Variants in TMEM126B observed in about 807,000 individuals in gnomAD.
TMEM126B encodes complex I assembly factor TMEM126B, mitochondrial.
In TMEM126B, 19 loss-of-function variants were observed where a neutral mutation model predicts 16.5. The ratio of observed to expected loss-of-function variants is 1.15; its 90% CI spans 0.80 to 1.69. TMEM126B has a LOEUF of 1.69. TMEM126B is among the 40% of genes most tolerant of loss of function. The pLI is 0.00. For synonymous variants in TMEM126B, 104 were observed against 93.2 expected (o/e 1.12, Z -0.67); for missense variants, 293 against 278.7 (o/e 1.05, Z -0.37).
At position 85,631,809 on chromosome 11, in the gene TMEM126B, G is replaced by C; in HGVS notation, c.203+1G>C. The C allele has an allele frequency of 6.2e-7, 1 of 1,601,178 alleles. No homozygotes were observed. The highest frequency in any genetic ancestry group is 8.5e-7 in the Non-Finnish European group (1 of 1,176,674). ...ATTTTGACTATCTTAGAAAAGAAAT[G>C]TAAGAGAAATGCCCAGGCTGAAAAT... On this transcript the variant is annotated splice_donor_variant, in intron 2 of 4. Coordinates refer to ENST00000358867, the MANE Select transcript of TMEM126B (RefSeq NM_018480.7). LOFTEE classifies it high-confidence loss of function.
At chr11:85,634,520 C>T (rs1161208464) in intron 3 of TMEM126B, 7 of 388,348 alleles carry the variant, frequency 1.8e-5, no homozygotes, top group Non-Finnish European at 3.2e-5. Flanking sequence ...CGCTAATAAG[C>T]AACATACTGG....
At position 85,628,682 on chromosome 11, in the gene TMEM126B, G is replaced by A. The variant is rs1196534148; in HGVS notation, c.75G>A (p.Ala25=). The change falls in exon 1 of 5, where the codon GCG becomes GCA. Residue 25 remains alanine (A), a synonymous_variant. Transcript: ENST00000358867. ...TGGTGCCGGTGGGAACTGAGGAAGCGCCCAAGGTAGGCGGAAATCCGAAGT... is the reference window on the plus strand; with the variant it reads ...TGGTGCCGGTGGGAACTGAGGAAGCACCCAAGGTAGGCGGAAATCCGAAGT... The part of the protein sequence containing the change: ...SGVVPVGTEE[A]PKVFKMAASM... The A allele has an allele frequency of 6.5e-7, 1 of 1,536,158 alleles. No homozygotes were observed. The highest frequency in any genetic ancestry group is 8.7e-7 in the Non-Finnish European group (1 of 1,146,898).
At chr11:85,634,678 G>A (rs569070791) in intron 3 of TMEM126B, 2 of 158,708 alleles carry the variant, frequency 1.3e-5, no homozygotes, top group African/African-American at 4.8e-5. Flanking sequence ...TACCTCACAG[G>A]ATTGTTGTGA....
chr11:85,629,087 G>GTT lies in TMEM126B; in HGVS notation c.81+403_81+404dup, dbSNP rs1462171692. On this transcript the variant is annotated intron_variant, in intron 1 of 4. Transcript: ENST00000358867. ...TGTTTGCTTTTTCTTAGGTTGTTGG[G>GTT]TTTTTCGTTTATGTCACTCTCTCAT... The GTT allele has an allele frequency of 1.3e-5, 8 of 603,452 alleles. No homozygotes were observed. In the Admixed American group the frequency reaches 1.9e-4, roughly 14 times the overall value. 37.4% of individuals were successfully genotyped at this position (603,452 alleles called of 1,614,324 possible).
chr11:85,635,860 T>C (rs540441541), intron 4 of TMEM126B, 82 bp downstream of exon 4: 2 of 1,073,462 alleles, frequency 1.9e-6, no homozygotes, highest in East Asian at 5.2e-5. Context: ...ACTCTCTTTC[T>C]TCTTTAGCTG....
At chr11:85,633,942 C>A in intron 2 of TMEM126B, 144 bp from the exon 3 acceptor site, 1 of 615,750 alleles carries the variant, frequency 1.6e-6, no homozygotes, top group East Asian at 2.8e-5. Flanking sequence ...ACTGTCCTAT[C>A]TTAAGCACTT....
chr11:85,628,642 C>A lies in TMEM126B; in HGVS notation c.35C>A (p.Pro12Gln), dbSNP rs1212670424. The A allele has an allele frequency of 3.3e-6, 5 of 1,536,028 alleles. No homozygotes were observed. Among genetic ancestry groups the A allele is most frequent in the Non-Finnish European group, 4.4e-6 (5 of 1,146,912 alleles). The change falls in exon 1 of 5, where the codon CCA (proline) becomes CAA (glutamine). Residue 12 changes from proline to glutamine, a missense_variant. By Grantham distance (76) the Pro-to-Gln change is moderately conservative. Coordinates refer to ENST00000358867, the MANE Select transcript of TMEM126B (RefSeq NM_018480.7). ...VVFGYEAGTKPRDSGVVPVGT... is the reference protein window; with the variant it reads ...VVFGYEAGTKQRDSGVVPVGT... ...TTCGGGTATGAGGCTGGGACTAAGC[C>A]AAGGGATTCAGGTGTGGTGCCGGTG... is the stretch of plus-strand genomic sequence containing the variant.
chr11:85,632,159 T>C (rs2082312428), intron 2 of TMEM126B, among the ~76,000 whole-genome samples: 1 of 152,206 alleles, frequency 6.6e-6, no homozygotes, highest in Non-Finnish European at 1.5e-5. Context: ...TATAATCAGT[T>C]TAGGATTGAT....
At chr11:85,633,394 G>T (rs1234069028) in intron 2 of TMEM126B, among the ~76,000 whole-genome samples, 1 of 152,190 alleles carries the variant, frequency 6.6e-6, no homozygotes, top group Admixed American at 6.5e-5. Context: ...TTCCACAATG[G>T]TTGAACTAGT....
chr11:85,636,413 C>A lies in TMEM126B; in HGVS notation c.*184C>A. ...CAATAAATATAAGTTTCATCTTACACGTAAGATACAGGTCTTATCTCCTGA... is the reference window on the plus strand; with the variant it reads ...CAATAAATATAAGTTTCATCTTACAAGTAAGATACAGGTCTTATCTCCTGA... On this transcript the variant is annotated 3_prime_UTR_variant, in exon 5 of 5. Coordinates refer to ENST00000358867, the MANE Select transcript of TMEM126B (RefSeq NM_018480.7). The A allele has an allele frequency of 2.6e-6, 1 of 387,406 alleles. No individual in the cohort carries two copies. 24.0% of individuals were successfully genotyped at this position (387,406 alleles called of 1,614,324 possible).
At chr11:85,628,996 T>TC (rs1354897089) in intron 1 of TMEM126B, 4 of 493,844 alleles carry the variant, frequency 8.1e-6, no homozygotes, top group African/African-American at 7.8e-5. Context: ...CAAACTGTTC[T>TC]CTTTCGGTTA....
Position 85,634,205 on chromosome 11 carries a change from C to T in TMEM126B, c.323C>T (p.Ala108Val). The T allele has an allele frequency of 1.2e-6, 2 of 1,613,738 alleles. No individual in the cohort carries two copies. The highest frequency in any genetic ancestry group is 1.1e-5 in the South Asian group (1 of 91,068). ...AAACATGATGCTTTGAAGACATATGCATCATTGGCTACACTTCCATTTTTG... is the reference window on the plus strand; with the variant it reads ...AAACATGATGCTTTGAAGACATATGTATCATTGGCTACACTTCCATTTTTG... ...KVKHDALKTY[A>V]SLATLPFLST... Residue 108 changes from alanine to valine, a missense_variant, in exon 3 of 5, where the codon GCA becomes GTA. Ala to Val is a moderately conservative substitution (Grantham distance 64). Coordinates refer to ENST00000358867, the MANE Select transcript of TMEM126B (RefSeq NM_018480.7).
In TMEM126B at chr11:85,628,746, A is replaced by C. The variant is rs139051807; in HGVS notation, c.81+58A>C. The C allele has an allele frequency of 3.9e-4, 574 of 1,469,340 alleles. 4 individuals carry two copies. In the African/African-American group the frequency reaches 7.0e-3, roughly 18 times the overall value. 91.0% of individuals were successfully genotyped at this position (1,469,340 alleles called of 1,614,324 possible). On this transcript the variant is annotated intron_variant, in intron 1 of 4. Coordinates refer to ENST00000358867, the MANE Select transcript of TMEM126B (RefSeq NM_018480.7). ...ATTTCTGCACCTTCAAAGTGTTGGCAGACTCTTCTAAGATGATACCTTTAA... is the reference window on the plus strand; with the variant it reads ...ATTTCTGCACCTTCAAAGTGTTGGCCGACTCTTCTAAGATGATACCTTTAA...
At chr11:85,628,746 A>T in intron 1 of TMEM126B, 58 bp downstream of exon 1, 2 of 1,469,340 alleles carry the variant, frequency 1.4e-6, no homozygotes, top group Non-Finnish European at 1.8e-6. Flanking sequence ...AAGTGTTGGC[A>T]GACTCTTCTA....
chr11:85,634,793 G>A (rs2082369083), intron 3 of TMEM126B: 1 of 152,724 alleles, frequency 6.5e-6, no homozygotes, highest in African/African-American at 2.4e-5. Context: ...TTCACAACTA[G>A]TAATTGATAG....
intron 3 of TMEM126B, chr11:85,635,132 A>T (rs925121472): frequency 2.0e-5 from 3 of 152,360 alleles, no homozygotes; most frequent in African/African-American, 7.2e-5. Flanking sequence ...TCATTATAAA[A>T]TTGTTTCTGG....
chr11:85,629,029 C>A (rs1210645877), intron 1 of TMEM126B: 10 of 477,728 alleles, frequency 2.1e-5, no homozygotes, highest in African/African-American at 9.9e-5. Flanking sequence ...TCACTTCTTC[C>A]GGGAAGCCTT....
intron 1 of TMEM126B, 131 bp downstream of exon 1, chr11:85,628,819 GTCGATTAAGTC>G: frequency 1.1e-6 from 1 of 870,650 alleles, no homozygotes. Context: ...GCAAGGAGCA[GTCGATTAAGTC>G]TCCAGTTGCT....
intron 1 of TMEM126B, among the ~76,000 whole-genome samples, chr11:85,630,547 T>C: frequency 6.6e-6 from 1 of 152,242 alleles, no homozygotes; most frequent in East Asian, 1.9e-4. Flanking sequence ...TTAAGACTTT[T>C]CACAGAGACT....
Sources: allele counts gnomAD v4.1 joint callset (sites outside exome capture counted in the v4.1 genomes callset), GRCh38; gene constraint gnomAD v4.1.1; transcripts MANE v1.5; gene names NCBI Gene and HGNC (gene_info 2026-07-23, HGNC 2026-07-21).